The following BMERB1 variants were observed in gnomAD, a reference collection of about 807,000 sequenced individuals.
BMERB1 encodes the protein bMERB domain-containing protein 1.
A neutral mutation model predicts 23.6 loss-of-function variants in BMERB1; 12 were observed. That is an observed-to-expected ratio of 0.51 (90% CI 0.33 to 0.82). The LOEUF (loss-of-function observed/expected upper bound fraction) is 0.82. Ranked by LOEUF, BMERB1 falls within the 40% of genes least tolerant of loss-of-function variation. The pLI is 0.03. For missense variants in BMERB1, 247 were observed against 255.4 expected (o/e 0.97, Z 0.22); for synonymous variants, 122 against 96.6 (o/e 1.26, Z -1.54).
chr16:15,472,970 A>G (rs1220974352), intron 1 of BMERB1, among the ~76,000 whole-genome samples: 3 of 149,008 alleles, frequency 2.0e-5, no homozygotes, highest in Admixed American at 1.4e-4. Flanking sequence ...AGCAGTTCTC[A>G]TGCCTCAGCC....
chr16:15,497,265 G>T (rs1349389478), intron 1 of BMERB1, among the ~76,000 whole-genome samples: 1 of 152,184 alleles, frequency 6.6e-6, no homozygotes, highest in African/African-American at 2.4e-5. Context: ...GGTTTATACA[G>T]CAGGGAAGAG....
chr16:15,534,823 C>T (rs1227602976), intron 2 of BMERB1, among the ~76,000 whole-genome samples: 2 of 152,116 alleles, frequency 1.3e-5, no homozygotes, highest in Non-Finnish European at 2.9e-5. Context: ...CAGCTTTGCC[C>T]TCTTCTAAGA....
chr16:15,452,051 C>T (rs1037276263), intron 1 of BMERB1, among the ~76,000 whole-genome samples: 11 of 151,856 alleles, frequency 7.2e-5, no homozygotes, highest in African/African-American at 1.9e-4. Flanking sequence ...GAGGCTGAGG[C>T]GGGAGGATTG....
intron 1 of BMERB1, among the ~76,000 whole-genome samples, chr16:15,501,180 A>G (rs1318467304): frequency 1.3e-5 from 2 of 149,786 alleles, no homozygotes; most frequent in African/African-American, 2.5e-5. Flanking sequence ...TCTCGTTGCT[A>G]TGTTGCCTAG....
At chr16:15,529,868 G>C (rs755149493) in intron 2 of BMERB1, among the ~76,000 whole-genome samples, 7 of 152,184 alleles carry the variant, frequency 4.6e-5, no homozygotes, top group Non-Finnish European at 8.8e-5. Flanking sequence ...TGTGGCTACT[G>C]TAACAAACAG....
intron 1 of BMERB1, among the ~76,000 whole-genome samples, chr16:15,472,299 C>A (rs1332917627): frequency 6.6e-6 from 1 of 152,160 alleles, no homozygotes; most frequent in Non-Finnish European, 1.5e-5. Flanking sequence ...TATTCTATAT[C>A]CTTGCTGATT....
chr16:15,506,009 T>C (rs2051586435), intron 1 of BMERB1, among the ~76,000 whole-genome samples: 1 of 151,952 alleles, frequency 6.6e-6, no homozygotes, highest in Admixed American at 6.6e-5. Flanking sequence ...GTTTTGTAGC[T>C]CTTTTGACCT....
chr16:15,548,290 G>A (rs778283694), intron 2 of BMERB1, among the ~76,000 whole-genome samples: 18 of 152,112 alleles, frequency 1.2e-4, no homozygotes, highest in Non-Finnish European at 2.2e-4. Context: ...CGCCCTGTGC[G>A]TGGTGAATTC....
At chr16:15,510,400 T>A (rs1034123224) in intron 1 of BMERB1, among the ~76,000 whole-genome samples, 2 of 152,156 alleles carry the variant, frequency 1.3e-5, no homozygotes, top group African/African-American at 2.4e-5. Flanking sequence ...GAGAACCTAC[T>A]GAACTTGCTG....
At position 15,438,040 on chromosome 16, in the gene BMERB1, C is replaced by T. The variant is rs933198873; in HGVS notation, c.106+3281C>T. On this transcript the variant is annotated intron_variant, in intron 1 of 5. Transcript: ENST00000300006. ...CTCAGTCTTGCTTCCTAGTCAAAGG[C>T]AAGAGGAACAGCTCCTGATCTGTAC... Among the ~76,000 whole-genome samples, 3 of 152,016 alleles carry T rather than the reference C, an allele frequency of 2.0e-5. No individual in the cohort carries two copies. The South Asian group carries it at 6.2e-4, about 32-fold the overall frequency.
At chr16:15,475,489 G>A (rs1184827465) in intron 1 of BMERB1, among the ~76,000 whole-genome samples, 1 of 152,158 alleles carries the variant, frequency 6.6e-6, no homozygotes, top group Non-Finnish European at 1.5e-5. Flanking sequence ...ATTAAAATCA[G>A]GCAAGGGAAG....
chr16:15,583,362 G>C, intron 5 of BMERB1, 124 bp downstream of exon 5: 2 of 758,416 alleles, frequency 2.6e-6, no homozygotes, highest in Non-Finnish European at 4.6e-6. Flanking sequence ...TGGATCACCT[G>C]AGGTCAGGAG....
chr16:15,467,341 T>C (rs986851754), intron 1 of BMERB1, among the ~76,000 whole-genome samples: 1 of 152,252 alleles, frequency 6.6e-6, no homozygotes, highest in African/African-American at 2.4e-5. Context: ...CTTCCCATCC[T>C]CACCTGCATT....
intron 1 of BMERB1, among the ~76,000 whole-genome samples, chr16:15,448,676 C>T (rs369078937): frequency 5.9e-5 from 9 of 152,114 alleles, no homozygotes; most frequent in African/African-American, 2.2e-4. Context: ...CCTGTAATTC[C>T]AGCTACTCAG....
At chr16:15,538,261 G>A (rs906223177) in intron 2 of BMERB1, among the ~76,000 whole-genome samples, 2 of 152,120 alleles carry the variant, frequency 1.3e-5, no homozygotes, top group African/African-American at 4.8e-5. Context: ...AAACCAGCCT[G>A]GCCAACATGG....
intron 1 of BMERB1, among the ~76,000 whole-genome samples, chr16:15,508,603 A>G (rs557424583): frequency 6.6e-6 from 1 of 152,168 alleles, no homozygotes; most frequent in South Asian, 2.1e-4. Context: ...TGGGCAGATC[A>G]CTTGAGCTCA....
rs566125972 is a variant in BMERB1, at chr16:15,445,415, G to A, written c.106+10656G>A. Among the ~76,000 whole-genome samples, 38 of 152,318 alleles carry A rather than the reference G, an allele frequency of 2.5e-4. No homozygotes were observed. The South Asian group carries it at 7.7e-3, about 31-fold the overall frequency. On this transcript the variant is annotated intron_variant, in intron 1 of 5. Coordinates refer to ENST00000300006, the MANE Select transcript of BMERB1 (RefSeq NM_033201.3). ...AACTTGATTTAATAAGGGTGTGTGA[G>A]TAAGTAGGGGGCTGGCAGCAGGGTA...
chr16:15,541,189 G>A (rs1439961658), intron 2 of BMERB1, among the ~76,000 whole-genome samples: 5 of 152,072 alleles, frequency 3.3e-5, no homozygotes, highest in Non-Finnish European at 7.3e-5. Context: ...ACAAAGGACA[G>A]AACTCAGGAA....
chr16:15,578,959 C>G (rs1299939941), intron 3 of BMERB1, among the ~76,000 whole-genome samples: 9 of 152,272 alleles, frequency 5.9e-5, no homozygotes, highest in African/African-American at 1.9e-4. Flanking sequence ...TTGGGCTAGT[C>G]ATAGGTCTGT....
Sources: gnomAD v4.1 joint callset for allele counts (sites outside exome capture counted in the v4.1 genomes callset) on GRCh38, gnomAD v4.1.1 for gene constraint, MANE v1.5 for transcripts, NCBI Gene and HGNC (gene_info 2026-07-23, HGNC 2026-07-21) for gene names.